The following HSD17B4 variants were observed in gnomAD, a reference collection of about 807,000 sequenced individuals.
The protein encoded by HSD17B4 is hydroxysteroid 17-beta dehydrogenase 4, also known as peroxisomal multifunctional enzyme type 2.
HSD17B4 carries 70 observed loss-of-function variants against 101.0 expected under a neutral mutation model. The observed-to-expected ratio is 0.69, with a 90% CI of 0.57 to 0.85. HSD17B4 has a LOEUF of 0.85. HSD17B4 is among the 40% of genes least tolerant of loss of function. The pLI, the probability that HSD17B4 is intolerant of heterozygous loss-of-function variation, is 0.00. For missense variants in HSD17B4, 984 were observed against 892.4 expected (o/e 1.10, Z -1.31); for synonymous variants, 347 against 297.1 (o/e 1.17, Z -1.73).
intron 22 of HSD17B4, among the ~76,000 whole-genome samples, chr5:119,533,909 G>A (rs1754329047): frequency 6.6e-6 from 1 of 152,016 alleles, no homozygotes; most frequent in Non-Finnish European, 1.5e-5. Context: ...GAATATCATA[G>A]AATTTGGCCC....
intron 18 of HSD17B4, 103 bp from the exon 19 acceptor site, chr5:119,525,814 G>T: frequency 4.1e-6 from 3 of 739,138 alleles, no homozygotes; most frequent in Non-Finnish European, 5.0e-6. Context: ...TATAATTCCT[G>T]CTAATGCAGT....
At chr5:119,502,236 A>G in intron 14 of HSD17B4, 144 bp downstream of exon 14, 1 of 643,606 alleles carries the variant, frequency 1.6e-6, no homozygotes. Context: ...CCATTAGAGT[A>G]GACTGATGTT....
intron 17 of HSD17B4, among the ~76,000 whole-genome samples, chr5:119,520,231 G>T (rs1239492699): frequency 6.6e-6 from 1 of 151,520 alleles, no homozygotes; most frequent in Non-Finnish European, 1.5e-5. Flanking sequence ...TACAAATGGT[G>T]TAGCTGCTTT....
chr5:119,540,896 A>G (rs931916553), intron 23 of HSD17B4, among the ~76,000 whole-genome samples: 2 of 152,172 alleles, frequency 1.3e-5, no homozygotes, highest in African/African-American at 4.8e-5. Flanking sequence ...TCATCTGTCA[A>G]CTGGGGTAAG....
At chr5:119,487,493 G>T (rs1749715447) in intron 8 of HSD17B4, 2 of 151,724 alleles carry the variant, frequency 1.3e-5, no homozygotes, top group Non-Finnish European at 2.9e-5. Flanking sequence ...CTTAAGGTTG[G>T]TTTTTTATTT....
At chr5:119,536,113 A>G in intron 22 of HSD17B4, 1 of 309,208 alleles carries the variant, frequency 3.2e-6, no homozygotes, top group Non-Finnish European at 6.2e-6. Context: ...TCACTTCTGA[A>G]ATAAGATTAG....
At chr5:119,479,098 T>G in intron 8 of HSD17B4, 77 bp downstream of exon 8, 1 of 1,036,602 alleles carries the variant, frequency 9.6e-7, no homozygotes, top group South Asian at 1.4e-5. Context: ...AAGTATTTAA[T>G]TTTCTGAATA....
chr5:119,491,180 A>G (rs1360328935), intron 9 of HSD17B4, among the ~76,000 whole-genome samples: 2 of 152,162 alleles, frequency 1.3e-5, no homozygotes, highest in Admixed American at 1.3e-4. Context: ...TCCAAAATAC[A>G]GTAAAAAGTG....
At chr5:119,530,812 T>A in intron 21 of HSD17B4, among the ~76,000 whole-genome samples, 1 of 120,946 alleles carries the variant, frequency 8.3e-6, no homozygotes, top group Non-Finnish European at 1.6e-5. Flanking sequence ...AAGATTGCAC[T>A]ACTGCATTCT....
chr5:119,501,536 A>G (rs1751165902), intron 13 of HSD17B4, among the ~76,000 whole-genome samples: 1 of 152,076 alleles, frequency 6.6e-6, no homozygotes, highest in African/African-American at 2.4e-5. Context: ...ATAATTTACA[A>G]AGTATTATAA....
rs375361832 is a variant in HSD17B4 at position 119,498,673 on chromosome 5, C to G, written c.973-644C>G. Reference sequence around the variant, plus strand: ...TGGGTGGATCACGAGGTCAGGAGTTCCAGACCATCCTGGCCAACATGGTGA... The same window carrying G: ...TGGGTGGATCACGAGGTCAGGAGTTGCAGACCATCCTGGCCAACATGGTGA... On this transcript the variant is annotated intron_variant, in intron 12 of 23. Transcript: ENST00000510025. Among the ~76,000 whole-genome samples, 60 of 152,232 alleles carry G rather than the reference C, an allele frequency of 3.9e-4. 1 individual carries two copies. Among genetic ancestry groups the G allele is most frequent in the African/African-American group, 1.4e-3 (58 of 41,550 alleles).
intron 19 of HSD17B4, 56 bp from the exon 20 acceptor site, chr5:119,527,077 A>C (rs372329050): frequency 9.5e-7 from 1 of 1,051,176 alleles, no homozygotes; most frequent in African/African-American, 1.6e-5. Flanking sequence ...TTTTCCTCCT[A>C]CAAGTAAAAG....
intron 20 of HSD17B4, among the ~76,000 whole-genome samples, chr5:119,528,812 T>C (rs1397606394): frequency 6.6e-6 from 1 of 152,172 alleles, no homozygotes; most frequent in African/African-American, 2.4e-5. Context: ...TGTCTTATCT[T>C]TTCAGCATAT....
chr5:119,492,946 TGTA>T (rs1318692682), intron 10 of HSD17B4: 1 of 152,182 alleles, frequency 6.6e-6, no homozygotes, highest in African/African-American at 2.4e-5. Context: ...AGGGCATTGC[TGTA>T]GTAGTATAAT....
chr5:119,469,609 C>T (rs944552306), intron 2 of HSD17B4, among the ~76,000 whole-genome samples: 4 of 152,170 alleles, frequency 2.6e-5, no homozygotes, highest in Non-Finnish European at 5.9e-5. Flanking sequence ...CCTGCCTGGG[C>T]CTCCCAAAGT....
At chr5:119,459,791 A>G (rs1447885782) in intron 2 of HSD17B4, among the ~76,000 whole-genome samples, 2 of 152,044 alleles carry the variant, frequency 1.3e-5, no homozygotes, top group Non-Finnish European at 2.9e-5. Context: ...TACCCGATTA[A>G]TCTATTAGTC....
intron 17 of HSD17B4, among the ~76,000 whole-genome samples, chr5:119,515,909 G>T (rs1344620612): frequency 2.6e-5 from 4 of 152,066 alleles, no homozygotes; most frequent in African/African-American, 4.8e-5. Context: ...ATAACTAATG[G>T]GTAGTAGGTT....
intron 17 of HSD17B4, among the ~76,000 whole-genome samples, chr5:119,515,437 G>C (rs1752527968): frequency 6.6e-6 from 1 of 151,932 alleles, no homozygotes; most frequent in South Asian, 2.1e-4. Flanking sequence ...TTCCTCTTTG[G>C]GAAAGAAAGC....
At chr5:119,475,926 G>C (rs1469411673) in intron 6 of HSD17B4, 56 bp downstream of exon 6, 2 of 1,295,666 alleles carry the variant, frequency 1.5e-6, no homozygotes, top group Non-Finnish European at 2.2e-6. Context: ...AGCCTTTTTA[G>C]TATTTGATAA....
Sources: allele counts gnomAD v4.1 joint callset (sites outside exome capture counted in the v4.1 genomes callset), GRCh38; gene constraint gnomAD v4.1.1; transcripts MANE v1.5; gene names NCBI Gene and HGNC (gene_info 2026-07-23, HGNC 2026-07-21).